DYNC2I1: variants seen among roughly 807,000 people sequenced by gnomAD.
DYNC2I1 encodes cytoplasmic dynein 2 intermediate chain 1.
DYNC2I1 carries 89 observed loss-of-function variants against 133.4 expected under a neutral mutation model. That is an observed-to-expected ratio of 0.67 (90% CI 0.56 to 0.80). The LOEUF is 0.80. Among genes scored for constraint, DYNC2I1 ranks in the 30% least tolerant of loss-of-function variants. DYNC2I1 has a pLI of 0.00. For missense variants in DYNC2I1, 1,291 were observed against 1,314.5 expected (o/e 0.98, Z 0.28); for synonymous variants, 504 against 484.3 (o/e 1.04, Z -0.54).
chr7:158,860,320 A>G (rs1447371362), intron 1 of DYNC2I1, among the ~76,000 whole-genome samples: 1 of 152,196 alleles, frequency 6.6e-6, no homozygotes, highest in African/African-American at 2.4e-5. Flanking sequence ...CAGTCTCCCA[A>G]AGTGCTGGGA....
At chr7:158,843,095 TTTTG>T in the DYNC2I1 span, among the ~76,000 whole-genome samples, 11 of 152,182 alleles carry the variant, frequency 7.2e-5, no homozygotes, top group Non-Finnish European at 5.9e-5. Context: ...GATTGGCTTT[TTTTG>T]TTTGTTTGTT....
the DYNC2I1 span, among the ~76,000 whole-genome samples, chr7:158,848,966 C>G: frequency 6.6e-6 from 1 of 151,862 alleles, no homozygotes. Flanking sequence ...CCCTGCTGTT[C>G]CCCCAGCATT....
At chr7:158,957,740 A>G (rs2129490610), downstream of DYNC2I1, among the ~76,000 whole-genome samples, 1 of 152,164 alleles carries the variant, frequency 6.6e-6, no homozygotes, top group Non-Finnish European at 1.5e-5. Context: ...GAGCAAATGC[A>G]CTCGGCACTC....
At chr7:158,891,050 C>T (rs897700203) in intron 7 of DYNC2I1, among the ~76,000 whole-genome samples, 3 of 152,210 alleles carry the variant, frequency 2.0e-5, no homozygotes, top group East Asian at 1.9e-4. Flanking sequence ...AAGGGAAAGC[C>T]GAGGCACAGA....
At chr7:158,921,656 G>C (rs566693139) in intron 15 of DYNC2I1, among the ~76,000 whole-genome samples, 11 of 152,272 alleles carry the variant, frequency 7.2e-5, no homozygotes, top group African/African-American at 2.6e-4. Context: ...AGCATGGATG[G>C]TGTGGGTAGC....
intron 5 of DYNC2I1, among the ~76,000 whole-genome samples, chr7:158,883,030 T>G (rs1256962210): frequency 6.6e-6 from 1 of 152,122 alleles, no homozygotes; most frequent in Non-Finnish European, 1.5e-5. Flanking sequence ...TTAGTATCAA[T>G]TTTAGATATT....
chr7:158,926,904 A>T (rs1324724113), intron 19 of DYNC2I1, 88 bp from the exon 20 acceptor site: 1 of 941,636 alleles, frequency 1.1e-6, no homozygotes. Flanking sequence ...CCTAAATAGC[A>T]CTCCATCTTA....
At chr7:158,869,938 C>T (rs1842730375) in intron 2 of DYNC2I1, 30 bp downstream of exon 2, 1 of 1,597,852 alleles carries the variant, frequency 6.3e-7, no homozygotes, top group Non-Finnish European at 8.6e-7. Flanking sequence ...GGATTGGGAT[C>T]TGTGCAGGAC....
chr7:158,945,905 A>G lies in DYNC2I1; in HGVS notation c.*126A>G. The G allele has an allele frequency of 1.1e-6, 1 of 915,710 alleles. No homozygotes were observed. The highest frequency in any genetic ancestry group is 1.5e-6 in the Non-Finnish European group (1 of 675,140). The allele number at this position is 915,710 out of a possible 1,614,324, so 56.7% of individuals were successfully genotyped here. A position where few individuals can be genotyped will look rare whatever the true frequency, so the allele number is the denominator to read the frequency against. ...ACTATGTATATTCTGTATATAATTT[A>G]TTTTACATGAATATGTCTTTGGTAT... On this transcript the variant is annotated 3_prime_UTR_variant, in exon 25 of 25. Coordinates refer to ENST00000407559, the MANE Select transcript of DYNC2I1 (RefSeq NM_018051.5). This position sits in a 1 kb window ranked among gnomAD's most constrained non-coding sequence, Gnocchi z 4.1.
At chr7:158,889,215 G>A (rs1844941076) in intron 7 of DYNC2I1, among the ~76,000 whole-genome samples, 3 of 151,896 alleles carry the variant, frequency 2.0e-5, no homozygotes, top group Admixed American at 2.0e-4. Context: ...TGAGTAGCTG[G>A]GACTACAGGC....
intron 1 of DYNC2I1, among the ~76,000 whole-genome samples, chr7:158,864,152 T>G (rs1169992916): frequency 1.3e-5 from 2 of 151,100 alleles, no homozygotes; most frequent in Non-Finnish European, 2.9e-5. Context: ...TAGCTCTGGG[T>G]GTGGCGGGGA....
intron 1 of DYNC2I1, among the ~76,000 whole-genome samples, chr7:158,863,634 G>C (rs1427680808): frequency 9.6e-6 from 1 of 104,368 alleles, no homozygotes; most frequent in African/African-American, 3.8e-5. Flanking sequence ...TTTGGGGGGG[G>C]CGGTGAGCGG....
the DYNC2I1 span, among the ~76,000 whole-genome samples, chr7:158,841,916 T>TGATGGGAGCTTGTGACTGCC: frequency 1.3e-5 from 2 of 152,220 alleles, no homozygotes; most frequent in African/African-American, 4.8e-5. Context: ...AGAAGTCCTC[T>TGATGGGAGCTTGTGACTGCC]GATGGGAGCT....
chr7:158,889,629 GA>G (rs1458723137), intron 7 of DYNC2I1, among the ~76,000 whole-genome samples: 6 of 151,608 alleles, frequency 4.0e-5, no homozygotes, highest in Admixed American at 6.6e-5. Flanking sequence ...TATTTTTATT[GA>G]AAAAAATAGG....
At chr7:158,892,347 A>G (rs1845308400) in intron 8 of DYNC2I1, among the ~76,000 whole-genome samples, 1 of 152,244 alleles carries the variant, frequency 6.6e-6, no homozygotes, top group Non-Finnish European at 1.5e-5. Context: ...GTTATTTAAT[A>G]TAATGTACCA....
intron 1 of DYNC2I1, among the ~76,000 whole-genome samples, chr7:158,868,975 G>GTT (rs1842648881): frequency 6.6e-6 from 1 of 152,186 alleles, no homozygotes; most frequent in South Asian, 2.1e-4. Flanking sequence ...CTGTGTAAGA[G>GTT]GCTGTGGTGT....
chr7:158,902,302 GT>G, intron 9 of DYNC2I1, 73 bp from the exon 10 acceptor site: 1 of 1,242,852 alleles, frequency 8.0e-7, no homozygotes, highest in Non-Finnish European at 1.1e-6. Flanking sequence ...AAAGTGTCAT[GT>G]TTTGTTCAGT....
downstream of DYNC2I1, among the ~76,000 whole-genome samples, chr7:158,947,331 G>A (rs892586612): frequency 6.6e-6 from 1 of 152,178 alleles, no homozygotes; most frequent in East Asian, 1.9e-4. Flanking sequence ...TTTGCAACCC[G>A]CTTGATGATT....
chr7:158,903,759 G>A (rs1249262449), intron 10 of DYNC2I1: 1 of 152,224 alleles, frequency 6.6e-6, no homozygotes. Context: ...CAGCATTAAA[G>A]CTTGTCTGCT....
Sources: gnomAD v4.1 joint callset for allele counts (sites outside exome capture counted in the v4.1 genomes callset) on GRCh38, gnomAD v4.1.1 for gene constraint, Gnocchi (gnomAD v3.1) non-coding constraint, MANE v1.5 for transcripts, NCBI Gene and HGNC (gene_info 2026-07-23, HGNC 2026-07-21) for gene names.